Variants in FAM53C observed in about 807,000 individuals in gnomAD.
FAM53C encodes the protein family with sequence similarity 53 member C.
In FAM53C, 10 loss-of-function variants were observed where a neutral mutation model predicts 34.7. That is an observed-to-expected ratio of 0.29 (90% CI 0.18 to 0.49). The LOEUF (loss-of-function observed/expected upper bound fraction) is 0.49, where lower values mean the gene tolerates loss of function less well. Among genes scored for constraint, FAM53C ranks in the 20% least tolerant of loss-of-function variants. The pLI is 0.99. For missense variants in FAM53C, 442 were observed against 515.3 expected, an observed-to-expected ratio of 0.86 and a Z score of 1.38; for synonymous variants, 203 against 203.6, an observed-to-expected ratio of 1.00 and a Z score of 0.03.
rs997031791 is a variant in FAM53C at position 138,347,377 on chromosome 5, T to C, written c.*418T>C. 12 of 256,288 alleles carry C rather than the reference T, an allele frequency of 4.7e-5. No individual in the cohort carries two copies. The highest frequency in any genetic ancestry group is 9.2e-5 in the Non-Finnish European group (12 of 130,612). 15.9% of individuals were successfully genotyped at this position (256,288 alleles called of 1,614,324 possible). A position where few individuals can be genotyped will look rare whatever the true frequency, so the allele number is the denominator to read the frequency against. ...CTCAGAGAAACTGCGTGAGAGTGTGTGCGTGCATGGGAGTGTACTTGTGGA... is the reference window on the plus strand; with the variant it reads ...CTCAGAGAAACTGCGTGAGAGTGTGCGCGTGCATGGGAGTGTACTTGTGGA... On this transcript the variant is annotated 3_prime_UTR_variant, in exon 5 of 5. Transcript: ENST00000239906.
In FAM53C at chr5:138,341,826, A is replaced by G; in HGVS notation, c.96A>G (p.Ala32=). ...FSISLPLPDH[A]DISNCGNSFQ... ...TTTCTTAGCCTTTGCCTGATCATGC[A>G]GACATCTCCAACTGTGGGAACTCTT... is the stretch of plus-strand genomic sequence containing the variant. Residue 32 remains alanine (A), a synonymous_variant, in exon 3 of 5, where the codon GCA becomes GCG. Coordinates refer to ENST00000239906, the MANE Select transcript of FAM53C (RefSeq NM_016605.3). 1 of 1,614,186 alleles carries G rather than the reference A, an allele frequency of 6.2e-7. No individual in the cohort carries two copies. Among genetic ancestry groups the G allele is most frequent in the Non-Finnish European group, 8.5e-7 (1 of 1,180,008 alleles).
rs1030773053 is a variant in FAM53C at position 138,347,093 on chromosome 5, ATCT to A, written c.*138_*140del. 1.1e-4 allele frequency: 136 copies of A among 1,243,844 alleles called. No homozygotes were observed. In the African/African-American group the frequency reaches 1.2e-3, roughly 11 times the overall value. 77.1% of individuals were successfully genotyped at this position (1,243,844 alleles called of 1,614,324 possible). ...GGGCTCCGACTCAGGGCAGCTGGAA[ATCT>A]TCTCGCTCCAGCAAGCTCGACCATG... On this transcript the variant is annotated 3_prime_UTR_variant, in exon 5 of 5. Coordinates refer to ENST00000239906, the MANE Select transcript of FAM53C (RefSeq NM_016605.3).
chr5:138,342,517 C>G (rs1387043265), intron 3 of FAM53C: 1 of 152,000 alleles, frequency 6.6e-6, no homozygotes, highest in Non-Finnish European at 1.5e-5. Flanking sequence ...CACCTGAGGT[C>G]GGGAGTTCAA....
chr5:138,344,625 C>T (rs984951366), intron 3 of FAM53C, among the ~76,000 whole-genome samples, 200 bp from the exon 4 acceptor site: 2 of 152,156 alleles, frequency 1.3e-5, no homozygotes, highest in Non-Finnish European at 2.9e-5. Context: ...CTCCTTTGGT[C>T]TTTTGAGTGC....
chr5:138,337,865 G>A (rs911523031), upstream of FAM53C: 5 of 871,102 alleles, frequency 5.7e-6, no homozygotes, highest in African/African-American at 8.9e-5. Flanking sequence ...GAGGGGCACT[G>A]TGGCTAATTG....
At chr5:138,339,677 A>C (rs1760970596) in intron 1 of FAM53C, among the ~76,000 whole-genome samples, 1 of 152,214 alleles carries the variant, frequency 6.6e-6, no homozygotes, top group African/African-American at 2.4e-5. Flanking sequence ...AAGTGATATA[A>C]GCTTTAGCTT....
chr5:138,341,904 C>G lies in FAM53C; in HGVS notation c.136+38C>G, dbSNP rs766994861. On this transcript the variant is annotated intron_variant, in intron 3 of 4. Transcript: ENST00000239906. ...GTGTGTTTGTGTACGTGTGTGTACCCATTCCTCTCTCCACACATTTCTATC... is the reference window on the plus strand; with the variant it reads ...GTGTGTTTGTGTACGTGTGTGTACCGATTCCTCTCTCCACACATTTCTATC... The G allele has an allele frequency of 2.5e-6, 4 of 1,593,486 alleles. No homozygotes were observed. The African/African-American group carries it at 5.4e-5, about 21-fold the overall frequency.
rs1249408791 is a variant in FAM53C at position 138,345,246 on chromosome 5, C to G, written c.558C>G (p.His186Gln). The G allele has an allele frequency of 1.2e-6, 2 of 1,614,238 alleles. No homozygotes were observed. The highest frequency in any genetic ancestry group is 1.7e-6 in the Non-Finnish European group (2 of 1,180,042). The change falls in exon 4 of 5, where the codon CAC (histidine) becomes CAG (glutamine). Residue 186 changes from histidine (H) to glutamine (Q), a missense_variant. By Grantham distance (24) the His-to-Gln change is conservative. Transcript: ENST00000239906. This position sits in a 1 kb window ranked among gnomAD's most constrained non-coding sequence, Gnocchi z 6.3. Reference sequence around the variant, plus strand: ...CCTCTTCTCAATGTGCCCCAGCTCACAGACCCTACAGCCCTCCTTTCTTCA... The same window carrying G: ...CCTCTTCTCAATGTGCCCCAGCTCAGAGACCCTACAGCCCTCCTTTCTTCA... Reference protein sequence around the residue: ...PSASSQCAPAHRPYSPPFFSL... With the variant: ...PSASSQCAPAQRPYSPPFFSL...
At chr5:138,343,272 G>C (rs1761081766) in intron 3 of FAM53C, among the ~76,000 whole-genome samples, 1 of 151,970 alleles carries the variant, frequency 6.6e-6, no homozygotes, top group African/African-American at 2.4e-5. Flanking sequence ...CACTTTGGGA[G>C]GCCGAGGTGG....
Position 138,344,920 on chromosome 5 carries a change from C to G in FAM53C, c.232C>G (p.Leu78Val). ...SYHPSGLSLH[L>V]RPPSRGNSPK... ...CCATCCCTCAGGCCTGAGCCTGCAC[C>G]TCAGACCACCCAGTCGGGGAAACTC... The change falls in exon 4 of 5, where the codon CTC becomes GTC. Residue 78 changes from leucine (L) to valine (V), a missense_variant. Transcript: ENST00000239906. 6.2e-7 allele frequency: 1 copy of G among 1,614,128 alleles called. No individual in the cohort carries two copies. The highest frequency in any genetic ancestry group is 8.5e-7 in the Non-Finnish European group (1 of 1,180,014).
At position 138,345,446 on chromosome 5, in the gene FAM53C, C is replaced by T; in HGVS notation, c.758C>T (p.Ala253Val). Reference protein sequence around the residue: ...RFLPSARSSPASSPELPWRPR... With the variant: ...RFLPSARSSPVSSPELPWRPR... The stretch of plus-strand genomic sequence containing the variant: ...TTGCCCTCTGCCCGGAGCTCTCCCG[C>T]ATCCTCCCCAGAGCTGCCCTGGCGA... The change falls in exon 4 of 5, where the codon GCA (alanine) becomes GTA (valine). Residue 253 changes from alanine (A) to valine (V), a missense_variant. By Grantham distance (64) the Ala-to-Val change is moderately conservative. Coordinates refer to ENST00000239906, the MANE Select transcript of FAM53C (RefSeq NM_016605.3). The surrounding 1 kb of genome is among the most constrained non-coding windows in gnomAD (Gnocchi z 6.3). 6.2e-7 allele frequency: 1 copy of T among 1,614,050 alleles called. No individual in the cohort carries two copies.
In FAM53C at chr5:138,346,730, A is replaced by G; in HGVS notation, c.950A>G (p.Gln317Arg). 2.5e-6 allele frequency: 4 copies of G among 1,614,194 alleles called. No homozygotes were observed. The highest frequency in any genetic ancestry group is 3.4e-6 in the Non-Finnish European group (4 of 1,180,044). The change falls in exon 5 of 5, where the codon CAA (glutamine) becomes CGA (arginine). Residue 317 changes from glutamine (Q) to arginine (R), a missense_variant. By Grantham distance (43) the Gln-to-Arg change is conservative (BLOSUM62 1). Transcript: ENST00000239906. ...CCATACTCAGGAGGTCTTTGTCTCC[A>G]AGAAACAGCCCGGGAAGGCAGCAGC... Reference protein sequence around the residue: ...QKPYSGGLCLQETAREGSSIS... With the variant: ...QKPYSGGLCLRETAREGSSIS...
In FAM53C at chr5:138,345,137, G is replaced by T. The variant is rs774938383; in HGVS notation, c.449G>T (p.Ser150Ile). 1 of 1,614,050 alleles carries T rather than the reference G, an allele frequency of 6.2e-7. No homozygotes were observed. The highest frequency in any genetic ancestry group is 2.2e-5 in the East Asian group (1 of 44,886). ...KLWTPIKHRG[S>I]GGGGGPQVPH... is the part of the protein sequence containing the mutation. The stretch of plus-strand genomic sequence containing the variant: ...TGGACTCCCATAAAGCACCGGGGCA[G>T]TGGTGGAGGGGGTGGGCCGCAGGTG... Residue 150 changes from serine to isoleucine, a missense_variant, in exon 4 of 5, where the codon AGT becomes ATT. Physicochemically the swap from Ser to Ile is moderately radical, Grantham distance 142 (BLOSUM62 -2). Coordinates refer to ENST00000239906, the MANE Select transcript of FAM53C (RefSeq NM_016605.3). This position sits in a 1 kb window ranked among gnomAD's most constrained non-coding sequence, Gnocchi z 6.3.
chr5:138,338,783 C>T (rs958194528), intron 1 of FAM53C, among the ~76,000 whole-genome samples: 1 of 151,910 alleles, frequency 6.6e-6, no homozygotes, highest in Non-Finnish European at 1.5e-5. Flanking sequence ...AGGCAGATCT[C>T]CACCTACCTG....
intron 3 of FAM53C, 71 bp from the exon 4 acceptor site, chr5:138,344,754 T>C (rs1761120166): frequency 7.2e-7 from 1 of 1,380,042 alleles, no homozygotes; most frequent in Non-Finnish European, 9.7e-7. Context: ...CCATACATTA[T>C]GTGGCAAATG....
Position 138,345,743 on chromosome 5 carries a change from G to A in FAM53C, c.921+134G>A, listed in dbSNP as rs1193527616. On this transcript the variant is annotated intron_variant, in intron 4 of 4. Coordinates refer to ENST00000239906, the MANE Select transcript of FAM53C (RefSeq NM_016605.3). This position sits in a 1 kb window ranked among gnomAD's most constrained non-coding sequence, Gnocchi z 6.3. ...GCACCTCCTTTAGCTCTTAGCTAGGGTGACCTACCATCCCAGTTTGCCTGG... is the reference window on the plus strand; with the variant it reads ...GCACCTCCTTTAGCTCTTAGCTAGGATGACCTACCATCCCAGTTTGCCTGG... The A allele has an allele frequency of 2.8e-6, 3 of 1,066,458 alleles. No individual in the cohort carries two copies. Among genetic ancestry groups the A allele is most frequent in the Non-Finnish European group, 1.3e-6 (1 of 746,804 alleles). 66.1% of individuals were successfully genotyped at this position (1,066,458 alleles called of 1,614,324 possible).
Position 138,346,751 on chromosome 5 carries a change from G to A in FAM53C, c.971G>A (p.Ser324Asn), listed in dbSNP as rs761179929. 3 of 1,614,186 alleles carry A rather than the reference G, an allele frequency of 1.9e-6. No individual in the cohort carries two copies. Among genetic ancestry groups the A allele is most frequent in the Non-Finnish European group, 2.5e-6 (3 of 1,180,038 alleles). The change falls in exon 5 of 5, where the codon AGC becomes AAC. Residue 324 changes from serine (S) to asparagine (N), a missense_variant. Transcript: ENST00000239906. ...CTCCAAGAAACAGCCCGGGAAGGCA[G>A]CAGCATCTCTCCACCATGGTTCATG... Reference protein sequence around the residue: ...LCLQETAREGSSISPPWFMAC... With the variant: ...LCLQETAREGNSISPPWFMAC...
chr5:138,341,085 C>A (rs970149331), intron 1 of FAM53C, 99 bp from the exon 2 acceptor site: 2 of 587,934 alleles, frequency 3.4e-6, no homozygotes, highest in African/African-American at 1.8e-5. Flanking sequence ...CTGCCAGAGG[C>A]CTGGCTTAGG....
At chr5:138,340,440 A>G (rs1761003980) in intron 1 of FAM53C, among the ~76,000 whole-genome samples, 1 of 152,192 alleles carries the variant, frequency 6.6e-6, no homozygotes, top group Non-Finnish European at 1.5e-5. Context: ...GTGGGCTTGA[A>G]GCCTGTTATC....
Sources: allele counts gnomAD v4.1 joint callset (sites outside exome capture counted in the v4.1 genomes callset), GRCh38; gene constraint gnomAD v4.1.1; non-coding constraint Gnocchi (gnomAD v3.1); transcripts MANE v1.5; gene names NCBI Gene and HGNC (gene_info 2026-07-23, HGNC 2026-07-21).